The following PCNT variants were observed in gnomAD, a reference collection of about 807,000 sequenced individuals.
The protein encoded by PCNT is kendrin.
A neutral mutation model predicts 380.4 loss-of-function variants in PCNT; 319 were observed. The ratio of observed to expected loss-of-function variants is 0.84; its 90% CI spans 0.77 to 0.92. PCNT has a LOEUF of 0.92. Ranked by LOEUF, PCNT falls within the 40% of genes least tolerant of loss-of-function variation. PCNT has a pLI of 0.00. For missense variants in PCNT, 4,400 were observed against 4,255.3 expected (o/e 1.03, Z -0.95); for synonymous variants, 1,845 against 1,735.2 (o/e 1.06, Z -1.57).
intron 15 of PCNT, among the ~76,000 whole-genome samples, chr21:46,374,231 T>C: frequency 6.6e-6 from 1 of 152,128 alleles, no homozygotes; most frequent in Non-Finnish European, 1.5e-5. Context: ...AGTCCCCCTC[T>C]CCTCCTGATT....
chr21:46,361,399 G>A (rs893595028), intron 13 of PCNT, among the ~76,000 whole-genome samples: 24 of 151,924 alleles, frequency 1.6e-4, no homozygotes, highest in Non-Finnish European at 2.4e-4. Context: ...TCAAAGAAAA[G>A]AGAAAAAAAA....
chr21:46,334,380 G>T lies in PCNT; in HGVS notation c.268-17G>T, dbSNP rs1410202086. The T allele has an allele frequency of 6.2e-7, 1 of 1,614,054 alleles. No homozygotes were observed. Among genetic ancestry groups the T allele is most frequent in the South Asian group, 1.1e-5 (1 of 91,060 alleles). On this transcript the variant is annotated splice_polypyrimidine_tract_variant and intron_variant, in intron 2 of 46. Transcript: ENST00000359568. ...GACCTTGCTTTAAATGCTTCTTTCT[G>T]GTCCTCCCCTTCTTAGCCGGAGGAC...
intron 44 of PCNT, 159 bp downstream of exon 44, chr21:46,442,732 C>T (rs1329757371): frequency 1.8e-5 from 12 of 678,764 alleles, no homozygotes; most frequent in South Asian, 3.1e-5. Flanking sequence ...AGAGGGAAGG[C>T]GCGCCCGGCG....
At chr21:46,335,315 C>T (rs909383624) in intron 3 of PCNT, among the ~76,000 whole-genome samples, 1 of 152,098 alleles carries the variant, frequency 6.6e-6, no homozygotes, top group Admixed American at 6.6e-5. Context: ...GAGTTGATTA[C>T]CTTTATTTTA....
chr21:46,445,596 G>A lies in PCNT; in HGVS notation c.*269G>A. On this transcript the variant is annotated 3_prime_UTR_variant, in exon 47 of 47. Transcript: ENST00000359568. The stretch of plus-strand genomic sequence containing the variant: ...CTCCCATGAGCCCTGGCTGTGTGCT[G>A]TTGTGTGCCTATCGGCAGATCCATC... 1.9e-6 allele frequency: 1 copy of A among 517,186 alleles called. No homozygotes were observed. 32.0% of individuals were successfully genotyped at this position (517,186 alleles called of 1,614,324 possible). A position where few individuals can be genotyped will look rare whatever the true frequency, so the allele number is the denominator to read the frequency against.
At chr21:46,348,754 A>G (rs1318359819) in intron 6 of PCNT, among the ~76,000 whole-genome samples, 2 of 151,670 alleles carry the variant, frequency 1.3e-5, no homozygotes, top group Non-Finnish European at 2.9e-5. Flanking sequence ...AGCTGGGACT[A>G]TAGTTGCATG....
chr21:46,420,045 G>A (rs913633457), intron 31 of PCNT, among the ~76,000 whole-genome samples: 2 of 152,198 alleles, frequency 1.3e-5, no homozygotes, highest in African/African-American at 4.8e-5. Context: ...GGGTTGGAAG[G>A]TATCGCGTGC....
At chr21:46,326,669 T>C (rs2083405276) in intron 2 of PCNT, 80 bp downstream of exon 2, 1 of 1,469,744 alleles carries the variant, frequency 6.8e-7, no homozygotes, top group South Asian at 1.1e-5. Context: ...AGATGGTCTT[T>C]GGTCTGTTTT....
intron 27 of PCNT, among the ~76,000 whole-genome samples, chr21:46,407,486 C>T (rs542411457): frequency 2.6e-4 from 40 of 151,940 alleles, no homozygotes; most frequent in African/African-American, 8.0e-4. Flanking sequence ...GGACTACAGG[C>T]GCCTGCCACC....
intron 5 of PCNT, 85 bp downstream of exon 5, chr21:46,347,083 G>A: frequency 2.0e-6 from 3 of 1,501,254 alleles, no homozygotes; most frequent in Non-Finnish European, 9.0e-7. Context: ...GTTGGGAGCT[G>A]GGGCGCCCTA....
chr21:46,402,527 T>G, intron 27 of PCNT, 44 bp downstream of exon 27: 2 of 1,609,130 alleles, frequency 1.2e-6, no homozygotes, highest in South Asian at 2.2e-5. Context: ...TCATGTTGCT[T>G]ATGCCGGTGC....
chr21:46,438,136 CTTACAAA>C, intron 40 of PCNT, 21 bp from the exon 41 acceptor site: 1 of 1,592,562 alleles, frequency 6.3e-7, no homozygotes, highest in Non-Finnish European at 8.6e-7. Context: ...ACAACAAATT[CTTACAAA>C]TTTATTTTCT....
In PCNT at chr21:46,445,312, G is replaced by A. The variant is rs546065246; in HGVS notation, c.9996G>A (p.Pro3332=). Residue 3332 remains proline, a synonymous_variant, in exon 47 of 47, where the codon CCG becomes CCA. Coordinates refer to ENST00000359568, the MANE Select transcript of PCNT (RefSeq NM_006031.6). ...PDSTSKKSCH[P]MIKQ ...CTACTTCAAAGAAATCCTGCCACCCGATGATTAAACAGTGAATAAAATGTC... is the reference window on the plus strand; with the variant it reads ...CTACTTCAAAGAAATCCTGCCACCCAATGATTAAACAGTGAATAAAATGTC... The A allele has an allele frequency of 9.3e-6, 15 of 1,608,260 alleles. No individual in the cohort carries two copies. The highest frequency in any genetic ancestry group is 5.5e-5 in the South Asian group (5 of 90,942).
In PCNT at chr21:46,411,992, C is replaced by T. The variant is rs752349556; in HGVS notation, c.5919C>T (p.Gly1973=). 47 of 1,605,042 alleles carry T rather than the reference C, an allele frequency of 2.9e-5. No individual in the cohort carries two copies. Among genetic ancestry groups the T allele is most frequent in the Middle Eastern group, 1.9e-4 (1 of 5,286 alleles). The change falls in exon 28 of 47, where the codon GGC becomes GGT. Residue 1973 remains glycine, a synonymous_variant. Coordinates refer to ENST00000359568, the MANE Select transcript of PCNT (RefSeq NM_006031.6). ...ACCCACAGCCTCGCATGGATGGTGG[C>T]GCCAAGGCCCAGGTCACCGGCGACG... ...GAHPQPRMDG[G]AKAQVTGDVE...
At chr21:46,378,243 C>G (rs891292916) in intron 15 of PCNT, among the ~76,000 whole-genome samples, 1 of 152,108 alleles carries the variant, frequency 6.6e-6, no homozygotes, top group African/African-American at 2.4e-5. Flanking sequence ...CTGTTTTTGT[C>G]TATACATACC....
At position 46,334,612 on chromosome 21, in the gene PCNT, CAG is replaced by C; in HGVS notation, c.484_485del (p.Ser162Ter). On this transcript the variant is annotated frameshift_variant, in exon 3 of 47. Transcript: ENST00000359568. LOFTEE classifies it high-confidence loss of function. ...PPEQHGMFTV[S>X]DHPPEQRGMF... The stretch of plus-strand genomic sequence containing the variant: ...CAGAACAGCATGGGATGTTCACAGT[CAG>C]TGACCACCCACCAGAACAGCGTGGG... 6.2e-7 allele frequency: 1 copy of C among 1,607,332 alleles called. No individual in the cohort carries two copies. Among genetic ancestry groups the C allele is most frequent in the Non-Finnish European group, 8.5e-7 (1 of 1,175,030 alleles).
At chr21:46,327,400 T>C (rs1338348587) in intron 2 of PCNT, among the ~76,000 whole-genome samples, 2 of 151,998 alleles carry the variant, frequency 1.3e-5, no homozygotes, top group Non-Finnish European at 2.9e-5. Context: ...CTTTTTCTTT[T>C]TTTTTCTTTT....
rs1375384526 is a variant in PCNT, at chr21:46,429,309, G to A, written c.7691-701G>A. On this transcript the variant is annotated intron_variant, in intron 35 of 46. Transcript: ENST00000359568. ...CATGGGCGGGGGGTGCCGGCGCTGT[G>A]CGAGCGCTCGTGAGAGGCATGGGGG... 1.2e-4 allele frequency among the ~76,000 whole-genome samples: 12 copies of A among 97,084 alleles called. No individual in the cohort carries two copies. In the East Asian group the frequency reaches 2.6e-3, roughly 21 times the overall value. 63.7% of individuals were successfully genotyped at this position (97,084 alleles called of 152,430 possible).
At chr21:46,341,649 G>A (rs1017015665) in intron 3 of PCNT, among the ~76,000 whole-genome samples, 1 of 151,934 alleles carries the variant, frequency 6.6e-6, no homozygotes, top group Non-Finnish European at 1.5e-5. Flanking sequence ...TTATAGGTAT[G>A]AGCCTCCACA....
Sources: allele counts gnomAD v4.1 joint callset (sites outside exome capture counted in the v4.1 genomes callset), GRCh38; gene constraint gnomAD v4.1.1; transcripts MANE v1.5; gene names NCBI Gene and HGNC (gene_info 2026-07-23, HGNC 2026-07-21).